KSR2: variants seen among roughly 807,000 people sequenced by gnomAD.
KSR2 encodes the protein kinase suppressor of ras 2.
Under a neutral mutation model 107.8 loss-of-function variants are expected in KSR2, and 25 were observed. The ratio of observed to expected loss-of-function variants is 0.23; its 90% CI spans 0.17 to 0.32. The LOEUF (loss-of-function observed/expected upper bound fraction) is 0.32, where lower values mean the gene tolerates loss of function less well. Ranked by LOEUF, KSR2 falls within the 10% of genes least tolerant of loss-of-function variation. KSR2 has a pLI of 1.00. For missense variants in KSR2, 887 were observed against 1,268.9 expected (o/e 0.70, Z 4.57); for synonymous variants, 480 against 507.0 (o/e 0.95, Z 0.71).
intron 5 of KSR2, among the ~76,000 whole-genome samples, chr12:117,584,449 A>T (rs1879873744): frequency 6.6e-6 from 1 of 152,094 alleles, no homozygotes; most frequent in South Asian, 2.1e-4. Flanking sequence ...TCACAAGGAA[A>T]TCTACAAAAC....
rs753312227 is a variant in KSR2 at position 117,968,305 on chromosome 12, A to AAGG, written c.-51_-50insCCT. 1.6e-4 allele frequency: 183 copies of AAGG among 1,111,932 alleles called. 3 individuals are homozygous for AAGG. Among genetic ancestry groups the AAGG allele is most frequent in the Non-Finnish European group, 1.8e-4 (156 of 859,646 alleles). 68.9% of individuals were successfully genotyped at this position (1,111,932 alleles called of 1,614,324 possible). Reference sequence around the variant, plus strand: ...CTCCTCCTCCTCCCAGAGAGAAAAAAGAGGGGGGGGAGTAGAGGTAGTCTA... The same window carrying AAGG: ...CTCCTCCTCCTCCCAGAGAGAAAAAAAGGGAGGGGGGGGAGTAGAGGTAGTCTA... On this transcript the variant is annotated 5_prime_UTR_variant, in exon 1 of 20. Transcript: ENST00000339824.
chr12:117,515,546 GGGGA>G (rs1874315104), intron 14 of KSR2, among the ~76,000 whole-genome samples: 1 of 152,152 alleles, frequency 6.6e-6, no homozygotes, highest in African/African-American at 2.4e-5. Context: ...TTCTAAGGTG[GGGGA>G]GGGAATGCAG....
intron 3 of KSR2, among the ~76,000 whole-genome samples, chr12:117,852,652 C>G (rs1892967058): frequency 1.1e-4 from 17 of 152,178 alleles, no homozygotes; most frequent in Admixed American, 1.1e-3. Flanking sequence ...TCAGTAGTGC[C>G]TCCCGGATGA....
Position 117,802,277 on chromosome 12 carries a change from C to G in KSR2, c.473-40753G>C, listed in dbSNP as rs77057399. On this transcript the variant is annotated intron_variant, in intron 3 of 19. Coordinates refer to ENST00000339824, the MANE Select transcript of KSR2 (RefSeq NM_173598.6). ...CTCTCTCTCTGACTCTGACCTCTGA[C>G]CCTCCTGCCTTCCTCTTTCCCTTAT... Among the ~76,000 whole-genome samples the G allele has an allele frequency of 8.5e-3, 1,292 of 152,162 alleles. 26 individuals are homozygous for G. Among genetic ancestry groups the G allele is most frequent in the African/African-American group, 0.03 (1,249 of 41,498 alleles).
intron 5 of KSR2, among the ~76,000 whole-genome samples, chr12:117,585,320 C>T (rs368356151): frequency 1.3e-5 from 2 of 152,140 alleles, no homozygotes; most frequent in African/African-American, 4.8e-5. Flanking sequence ...AGAACAAATC[C>T]TCTTTTATTA....
intron 3 of KSR2, among the ~76,000 whole-genome samples, chr12:117,801,618 C>T (rs550107304): frequency 1.4e-3 from 206 of 152,060 alleles, no homozygotes; most frequent in African/African-American, 4.9e-3. Flanking sequence ...GGGAGGAGGT[C>T]CCACGCACTT....
chr12:117,528,854 C>G (rs186572164), intron 12 of KSR2, among the ~76,000 whole-genome samples: 1 of 152,222 alleles, frequency 6.6e-6, no homozygotes, highest in South Asian at 2.1e-4. Flanking sequence ...CATCACTCCG[C>G]GCACATTTAA....
At position 117,582,377 on chromosome 12, in the gene KSR2, C is replaced by T. The variant is rs766243899; in HGVS notation, c.1172-18G>A. The T allele has an allele frequency of 1.2e-6, 2 of 1,603,564 alleles. No homozygotes were observed. The highest frequency in any genetic ancestry group is 1.3e-5 in the African/African-American group (1 of 74,748). ...CAGTGTGTCTACAGAGAGAAGAGAA[C>T]AGCCTGTTACACAGAGGGTCAGAGA... On this transcript the variant is annotated intron_variant, in intron 5 of 19. Transcript: ENST00000339824.
intron 9 of KSR2, among the ~76,000 whole-genome samples, chr12:117,545,872 C>T (rs1021244197): frequency 2.0e-5 from 3 of 152,124 alleles, no homozygotes; most frequent in Non-Finnish European, 4.4e-5. Context: ...CTGGTGTTGA[C>T]ATTTTACCAG....
rs12813753 is a variant in KSR2, at chr12:117,670,184, T to C, written c.987-2526A>G. Among the ~76,000 whole-genome samples, 730 of 152,280 alleles carry C rather than the reference T, an allele frequency of 4.8e-3. 2 individuals carry two copies. Among genetic ancestry groups the C allele is most frequent in the Non-Finnish European group, 7.3e-3 (496 of 68,024 alleles). ...GCTCGGAAATTATAAGCATAAAACA[T>C]GGACATTTAAAATTTTTCAACTTTA... On this transcript the variant is annotated intron_variant, in intron 4 of 19. Coordinates refer to ENST00000339824, the MANE Select transcript of KSR2 (RefSeq NM_173598.6).
chr12:117,599,520 C>A (rs1374711918), intron 5 of KSR2, among the ~76,000 whole-genome samples: 1 of 152,114 alleles, frequency 6.6e-6, no homozygotes, highest in African/African-American at 2.4e-5. Flanking sequence ...GAGAATTTCC[C>A]AACCTCAGCA....
chr12:117,502,038 A>G lies in KSR2; in HGVS notation c.2220-16347T>C, dbSNP rs932608534. On this transcript the variant is annotated intron_variant, in intron 14 of 19. Transcript: ENST00000339824. The stretch of plus-strand genomic sequence containing the variant: ...CCATTGGGAGGAAATGACCTGACCC[A>G]CTGTCACCACACAAGGAATCACTGT... 2.0e-5 allele frequency among the ~76,000 whole-genome samples: 3 copies of G among 152,216 alleles called. No individual in the cohort carries two copies. The East Asian group carries it at 5.8e-4, about 29-fold the overall frequency.
chr12:117,795,921 T>C (rs1444866188), intron 3 of KSR2, among the ~76,000 whole-genome samples: 1 of 152,044 alleles, frequency 6.6e-6, no homozygotes, highest in Non-Finnish European at 1.5e-5. Flanking sequence ...AAAGCCTGTG[T>C]TGTTGTTATT....
chr12:117,655,223 A>G (rs920093159), intron 5 of KSR2, among the ~76,000 whole-genome samples: 1 of 152,240 alleles, frequency 6.6e-6, no homozygotes, highest in African/African-American at 2.4e-5. Flanking sequence ...GACTCACGGA[A>G]TGGCTTATCC....
At chr12:117,903,071 G>A (rs892647679) in intron 1 of KSR2, among the ~76,000 whole-genome samples, 5 of 152,196 alleles carry the variant, frequency 3.3e-5, no homozygotes, top group Admixed American at 1.3e-4. Flanking sequence ...GGTGAGTTGC[G>A]TTAATGTAGG....
chr12:117,852,965 C>G (rs1001572527), intron 3 of KSR2, among the ~76,000 whole-genome samples: 27 of 152,174 alleles, frequency 1.8e-4, no homozygotes, highest in African/African-American at 6.3e-4. Context: ...CCAAGCCCAG[C>G]TAAATTTTTG....
intron 9 of KSR2, among the ~76,000 whole-genome samples, chr12:117,543,856 C>T (rs1331434526): frequency 6.6e-6 from 1 of 152,182 alleles, no homozygotes; most frequent in East Asian, 1.9e-4. Flanking sequence ...TTGCCTCTTC[C>T]TACCTTCTGG....
intron 1 of KSR2, among the ~76,000 whole-genome samples, chr12:117,953,432 T>A (rs1896422115): frequency 6.6e-6 from 1 of 152,200 alleles, no homozygotes; most frequent in African/African-American, 2.4e-5. Flanking sequence ...ACCTAAAAAA[T>A]GTTCAACTTG....
chr12:117,578,085 C>G (rs1879397985), intron 7 of KSR2, among the ~76,000 whole-genome samples: 1 of 152,100 alleles, frequency 6.6e-6, no homozygotes, highest in Non-Finnish European at 1.5e-5. Flanking sequence ...CTTGGGGAGG[C>G]AGAGCTTGGG....
Sources: allele counts gnomAD v4.1 joint callset (sites outside exome capture counted in the v4.1 genomes callset), GRCh38; gene constraint gnomAD v4.1.1; transcripts MANE v1.5; gene names NCBI Gene and HGNC (gene_info 2026-07-23, HGNC 2026-07-21).